The following ZFHX3 variants were observed in gnomAD, a reference collection of about 807,000 sequenced individuals.
The protein encoded by ZFHX3 is zinc finger homeobox protein 3.
ZFHX3 carries 42 observed loss-of-function variants against 279.1 expected under a neutral mutation model. The observed-to-expected ratio is 0.15, with a 90% CI of 0.12 to 0.19. The LOEUF is 0.19. Ranked by LOEUF, ZFHX3 falls within the 10% of genes least tolerant of loss-of-function variation. The pLI, the probability that ZFHX3 is intolerant of heterozygous loss-of-function variation, is 1.00. For missense variants in ZFHX3, 4,981 were observed against 4,754.0 expected (o/e 1.05, Z -1.40); for synonymous variants, 2,293 against 1,957.8 (o/e 1.17, Z -4.52).
chr16:73,568,445 C>T (rs2020480285), intron 2 of ZFHX3, among the ~76,000 whole-genome samples: 1 of 152,122 alleles, frequency 6.6e-6, no homozygotes, highest in Admixed American at 6.5e-5. Context: ...ACATGCATTC[C>T]CCCACAATGG....
At position 72,797,325 on chromosome 16, in the gene ZFHX3, G is replaced by T. The variant is rs2035943174; in HGVS notation, c.5357C>A (p.Thr1786Asn). 4 of 1,603,206 alleles carry T rather than the reference G, an allele frequency of 2.5e-6. No homozygotes were observed. The highest frequency in any genetic ancestry group is 2.2e-5 in the East Asian group (1 of 44,752). Residue 1786 changes from threonine (T) to asparagine (N), a missense_variant, in exon 9 of 10, where the codon ACC becomes AAC. Transcript: ENST00000268489. ...CTGCTGCTGCTGTAGTTGCAGCAGG[G>T]TCTCAGTTGTCATGGGGAAGTGAGG... ...LLPHFPMTTE[T>N]LLQLQQQQHL...
At chr16:73,723,957 T>G (rs2053497491) in intron 1 of ZFHX3, among the ~76,000 whole-genome samples, 1 of 152,206 alleles carries the variant, frequency 6.6e-6, no homozygotes, top group Non-Finnish European at 1.5e-5. Context: ...GGCAGCATAG[T>G]AGATCGCCTT....
chr16:73,420,200 G>C (rs1275958360), intron 3 of ZFHX3: 1 of 152,158 alleles, frequency 6.6e-6, no homozygotes, highest in East Asian at 1.9e-4. Flanking sequence ...GAGCCACTGT[G>C]CCCAGCCAGG....
chr16:73,068,555 C>T (rs1965783718), intron 8 of ZFHX3, among the ~76,000 whole-genome samples: 2 of 152,172 alleles, frequency 1.3e-5, no homozygotes, highest in African/African-American at 4.8e-5. Context: ...CTGGTGTGCC[C>T]CTTGGTTTTC....
intron 1 of ZFHX3, among the ~76,000 whole-genome samples, chr16:73,739,522 G>T (rs775930542): frequency 6.6e-6 from 1 of 152,154 alleles, no homozygotes; most frequent in Non-Finnish European, 1.5e-5. Flanking sequence ...ATTGAGAACT[G>T]ATGCTGTAGG....
At chr16:73,052,918 G>T (rs764523703), upstream of ZFHX3, among the ~76,000 whole-genome samples, 10 of 152,132 alleles carry the variant, frequency 6.6e-5, no homozygotes, top group Non-Finnish European at 1.2e-4. Flanking sequence ...GAAACAAAAG[G>T]CCAGGGCCAC....
At chr16:73,537,131 A>C (rs1048859403) in intron 2 of ZFHX3, among the ~76,000 whole-genome samples, 1 of 152,076 alleles carries the variant, frequency 6.6e-6, no homozygotes, top group African/African-American at 2.4e-5. Flanking sequence ...CTCTCAACAC[A>C]GAGTATCCAA....
At chr16:73,110,103 C>G (rs901292918) in intron 7 of ZFHX3, among the ~76,000 whole-genome samples, 12 of 151,458 alleles carry the variant, frequency 7.9e-5, no homozygotes, top group African/African-American at 2.9e-4. Flanking sequence ...ACTCAGGAGG[C>G]TGAGGCAGGA....
chr16:73,864,432 A>G (rs1961959058), intron 1 of ZFHX3, among the ~76,000 whole-genome samples: 1 of 152,186 alleles, frequency 6.6e-6, no homozygotes, highest in African/African-American at 2.4e-5. Context: ...AAAATAAAAT[A>G]TGTAGGCTGG....
At chr16:72,915,033 A>C (rs766149811) in intron 3 of ZFHX3, among the ~76,000 whole-genome samples, 3 of 152,180 alleles carry the variant, frequency 2.0e-5, no homozygotes, top group Non-Finnish European at 4.4e-5. Flanking sequence ...ACATAGGCTA[A>C]CAAGTAGCCT....
At chr16:73,286,519 G>GGCTGT (rs2014600558) in intron 4 of ZFHX3, among the ~76,000 whole-genome samples, 1 of 152,218 alleles carries the variant, frequency 6.6e-6, no homozygotes, top group Admixed American at 6.5e-5. Flanking sequence ...TCCTTGGTAA[G>GGCTGT]GCTGTGTGGG....
At position 73,248,888 on chromosome 16, in the gene ZFHX3, A is replaced by C. The variant is rs557916831; in HGVS notation, c.-1104+8159T>G. 2.0e-5 allele frequency among the ~76,000 whole-genome samples: 3 copies of C among 151,912 alleles called. No individual in the cohort carries two copies. The South Asian group carries it at 6.3e-4, about 32-fold the overall frequency. On this transcript the variant is annotated intron_variant, in intron 5 of 17. Transcript: ENST00000641206. ...TTTTAAAAATAATTCAAGTAATTTA[A>C]ATTTAAGACCCTAAAAAAACTGTCC...
rs936005383 is a variant in ZFHX3, at chr16:73,175,924, A to G, written c.-1103-32093T>C. 2.0e-5 allele frequency among the ~76,000 whole-genome samples: 3 copies of G among 152,190 alleles called. No individual in the cohort carries two copies. The East Asian group carries it at 5.8e-4, about 29-fold the overall frequency. On this transcript the variant is annotated intron_variant, in intron 5 of 17. Transcript: ENST00000641206. ...TTGGGGGGCAGGGCTATGTCTAATA[A>G]TCTTATCCAGCACAAGGAATATTTG... is the stretch of plus-strand genomic sequence containing the variant.
chr16:73,468,359 T>A (rs1226676806), intron 2 of ZFHX3, among the ~76,000 whole-genome samples: 2 of 152,144 alleles, frequency 1.3e-5, no homozygotes, highest in Non-Finnish European at 2.9e-5. Context: ...GAAACTGACA[T>A]ACGGGCTTAG....
At chr16:72,862,886 A>G (rs1348175097) in intron 4 of ZFHX3, among the ~76,000 whole-genome samples, 2 of 152,216 alleles carry the variant, frequency 1.3e-5, no homozygotes, top group African/African-American at 2.4e-5. Flanking sequence ...CTTTAGAGAC[A>G]TATCAATTCA....
At chr16:73,580,224 A>C (rs1032658993) in intron 2 of ZFHX3, among the ~76,000 whole-genome samples, 3 of 151,932 alleles carry the variant, frequency 2.0e-5, no homozygotes, top group African/African-American at 7.3e-5. Context: ...TCATGCCTGT[A>C]ATCCCAGCAC....
intron 1 of ZFHX3, among the ~76,000 whole-genome samples, chr16:73,851,020 A>G (rs1396430441): frequency 6.6e-6 from 1 of 151,922 alleles, no homozygotes; most frequent in East Asian, 1.9e-4. Context: ...CTCCTTCAAA[A>G]TTTTCCTTTT....
chr16:72,979,896 C>T (rs77264339), intron 1 of ZFHX3, among the ~76,000 whole-genome samples: 20,821 of 152,006 alleles, frequency 0.14, 1,715 homozygotes, highest in East Asian at 0.37. Context: ...GCTAGGTATG[C>T]TTTTAAAGGT....
intron 1 of ZFHX3, among the ~76,000 whole-genome samples, chr16:73,690,812 G>A (rs964981804): frequency 6.6e-6 from 1 of 152,186 alleles, no homozygotes; most frequent in Admixed American, 6.5e-5. Context: ...GACAAATGAG[G>A]GAGGTTACCT....
Sources: gnomAD v4.1 joint callset for allele counts (sites outside exome capture counted in the v4.1 genomes callset) on GRCh38, gnomAD v4.1.1 for gene constraint, MANE v1.5 for transcripts, NCBI Gene and HGNC (gene_info 2026-07-23, HGNC 2026-07-21) for gene names.